Variants in PRKN observed in about 807,000 individuals in gnomAD.
The protein encoded by PRKN is parkin RBR E3 ubiquitin protein ligase, also known as E3 ubiquitin-protein ligase parkin.
PRKN carries 56 observed loss-of-function variants against 59.5 expected under a neutral mutation model. That is an observed-to-expected ratio of 0.94 (90% CI 0.76 to 1.18). The LOEUF is 1.18. Among genes scored for constraint, PRKN ranks in the 50% most tolerant of loss-of-function variants. The probability of loss-of-function intolerance (pLI) is 0.00; values close to 1 mark genes in which losing one functional copy is unlikely to be tolerated. For synonymous variants in PRKN, 250 were observed against 222.1 expected, an observed-to-expected ratio of 1.13 and a Z score of -1.12; for missense variants, 657 against 596.4, an observed-to-expected ratio of 1.10 and a Z score of -1.06.
chr6:161,663,358 C>T (rs778729013), intron 7 of PRKN, among the ~76,000 whole-genome samples: 6 of 152,104 alleles, frequency 3.9e-5, no homozygotes, highest in Non-Finnish European at 5.9e-5. Context: ...GTTTCCTTCC[C>T]TGTAATATGA....
intron 1 of PRKN, among the ~76,000 whole-genome samples, chr6:162,615,633 C>T (rs144122004): frequency 1.0e-3 from 158 of 152,272 alleles, no homozygotes; most frequent in African/African-American, 3.7e-3. Flanking sequence ...TGTTTAATTG[C>T]ATGTGCCATC....
chr6:161,450,227 C>A (rs1483653618), intron 9 of PRKN, among the ~76,000 whole-genome samples: 1 of 152,176 alleles, frequency 6.6e-6, no homozygotes, highest in East Asian at 1.9e-4. Context: ...TTGCCACTGG[C>A]AAAGACGCTG....
At chr6:161,886,995 T>A (rs1227106008) in intron 6 of PRKN, among the ~76,000 whole-genome samples, 1 of 152,174 alleles carries the variant, frequency 6.6e-6, no homozygotes, top group Admixed American at 6.5e-5. Flanking sequence ...TTATTACTGA[T>A]GAAGCAAAGA....
intron 9 of PRKN, among the ~76,000 whole-genome samples, chr6:161,500,113 GT>G (rs1777902898): frequency 1.3e-5 from 2 of 152,158 alleles, no homozygotes; most frequent in Non-Finnish European, 2.9e-5. Flanking sequence ...TCTAAAGTCA[GT>G]TGTGTCAAAA....
intron 7 of PRKN, among the ~76,000 whole-genome samples, chr6:161,632,875 C>T (rs1383689683): frequency 6.6e-6 from 1 of 152,170 alleles, no homozygotes; most frequent in African/African-American, 2.4e-5. Flanking sequence ...GAAGTAAACA[C>T]TCCCATGATT....
In PRKN at chr6:161,355,273, C is replaced by T. The variant is rs1784704412; in HGVS notation, c.1285+4815G>A. ...TTCTTCAATTCTTGGCTGGTATCAT[C>T]TCTTCCAGGAAGCCTCCTCCTCCGG... is the stretch of plus-strand genomic sequence containing the variant. On this transcript the variant is annotated intron_variant, in intron 11 of 11. Coordinates refer to ENST00000366898, the MANE Select transcript of PRKN (RefSeq NM_004562.3). The surrounding 1 kb of genome is among the most constrained non-coding windows in gnomAD (Gnocchi z 6.8). Among the ~76,000 whole-genome samples, 1 of 152,270 alleles carries T rather than the reference C, an allele frequency of 6.6e-6. No homozygotes were observed. Among genetic ancestry groups the T allele is most frequent in the South Asian group, 2.1e-4 (1 of 4,836 alleles).
At chr6:161,615,676 G>A (rs116399294) in intron 7 of PRKN, among the ~76,000 whole-genome samples, 2,463 of 152,318 alleles carry the variant, frequency 0.016, 75 homozygotes, top group African/African-American at 0.057. Context: ...CATAAAGGGG[G>A]TCATGTGATA....
At chr6:162,280,757 A>ACT (rs1780854325) in intron 2 of PRKN, among the ~76,000 whole-genome samples, 1 of 132,232 alleles carries the variant, frequency 7.6e-6, no homozygotes, top group East Asian at 2.8e-4. Context: ...AGATGACGCC[A>ACT]CTGTATTCCA....
intron 6 of PRKN, among the ~76,000 whole-genome samples, chr6:161,834,463 T>C (rs1225720838): frequency 6.6e-6 from 1 of 152,222 alleles, no homozygotes; most frequent in Non-Finnish European, 1.5e-5. Context: ...TAGGCATTGT[T>C]ATTATTTACC....
intron 1 of PRKN, among the ~76,000 whole-genome samples, chr6:162,604,873 T>C (rs1781848723): frequency 2.0e-5 from 3 of 152,146 alleles, no homozygotes; most frequent in Admixed American, 2.0e-4. Context: ...AATATGTCCT[T>C]TCACACTCAT....
At position 161,560,741 on chromosome 6, in the gene PRKN, T is replaced by C. The variant is rs1289009962; in HGVS notation, c.933+8614A>G. ...GATGATCACCTCTTATCTTTCCAAA[T>C]CTCTTGCTAAAGTATGAACATTGCT... On this transcript the variant is annotated intron_variant, in intron 8 of 11. Coordinates refer to ENST00000366898, the MANE Select transcript of PRKN (RefSeq NM_004562.3). The surrounding 1 kb of genome is among the most constrained non-coding windows in gnomAD (Gnocchi z 4.9). 6.6e-6 allele frequency among the ~76,000 whole-genome samples: 1 copy of C among 152,288 alleles called. No homozygotes were observed. The highest frequency in any genetic ancestry group is 1.9e-4 in the East Asian group (1 of 5,184).
intron 3 of PRKN, among the ~76,000 whole-genome samples, chr6:162,249,934 T>C (rs1397079161): frequency 6.6e-6 from 1 of 152,026 alleles, no homozygotes; most frequent in African/African-American, 2.4e-5. Context: ...CACCTTGAAG[T>C]CAGGAGTTTC....
rs534727989 is a variant in PRKN at position 162,132,860 on chromosome 6, C to T, written c.534+68271G>A. Among the ~76,000 whole-genome samples, 18 of 152,220 alleles carry T rather than the reference C, an allele frequency of 1.2e-4. No homozygotes were observed. The East Asian group carries it at 3.3e-3, about 28-fold the overall frequency. On this transcript the variant is annotated intron_variant, in intron 4 of 11. Transcript: ENST00000366898. The stretch of plus-strand genomic sequence containing the variant: ...CCATCTTAGAGGAGACGGCTTAGAG[C>T]TGAGATTTAAAGGAATGAACGCCTT...
chr6:162,351,891 GT>G (rs965389568), intron 2 of PRKN, among the ~76,000 whole-genome samples: 6 of 151,934 alleles, frequency 3.9e-5, no homozygotes, highest in East Asian at 1.9e-4. Flanking sequence ...TTCTGCTAGA[GT>G]TTTTTTCCTG....
intron 4 of PRKN, among the ~76,000 whole-genome samples, chr6:162,174,610 C>T (rs73783435): frequency 0.051 from 7,733 of 152,194 alleles, 695 homozygotes; most frequent in African/African-American, 0.18. Context: ...AATCATTTAT[C>T]CAAATCACTA....
intron 7 of PRKN, among the ~76,000 whole-genome samples, chr6:161,753,636 G>T (rs1046248418): frequency 1.3e-5 from 2 of 152,090 alleles, no homozygotes; most frequent in African/African-American, 4.8e-5. Flanking sequence ...GGGAGGGAGG[G>T]CCCATGAAAC....
chr6:162,143,504 TAC>T (rs1781876246), intron 4 of PRKN, among the ~76,000 whole-genome samples: 1 of 152,160 alleles, frequency 6.6e-6, no homozygotes, highest in South Asian at 2.1e-4. Flanking sequence ...AGACTTCTAC[TAC>T]AGAGAAAAAT....
intron 7 of PRKN, among the ~76,000 whole-genome samples, chr6:161,641,950 G>A (rs1029602975): frequency 6.6e-6 from 1 of 152,186 alleles, no homozygotes; most frequent in Admixed American, 6.5e-5. Context: ...TTCTGCTAGT[G>A]TAAAGAGTTT....
At chr6:162,607,100 C>A (rs759199940) in intron 1 of PRKN, among the ~76,000 whole-genome samples, 1 of 152,066 alleles carries the variant, frequency 6.6e-6, no homozygotes, top group African/African-American at 2.4e-5. Context: ...TAATTTTACA[C>A]GGGTGGGGTT....
Sources: gnomAD v4.1 joint callset for allele counts (sites outside exome capture counted in the v4.1 genomes callset) on GRCh38, gnomAD v4.1.1 for gene constraint, Gnocchi (gnomAD v3.1) non-coding constraint, MANE v1.5 for transcripts, NCBI Gene and HGNC (gene_info 2026-07-23, HGNC 2026-07-21) for gene names.